USO1: variants seen among roughly 807,000 people sequenced by gnomAD.
USO1 encodes the protein USO1 vesicle transport factor.
Under a neutral mutation model 124.5 loss-of-function variants are expected in USO1, and 57 were observed. The ratio of observed to expected loss-of-function variants is 0.46; its 90% CI spans 0.37 to 0.57. USO1 has a LOEUF of 0.57. Ranked by LOEUF, USO1 falls within the 20% of genes least tolerant of loss-of-function variation. USO1 has a pLI of 0.00. For missense variants in USO1, 900 were observed against 1,040.6 expected (o/e 0.86, Z 1.86); for synonymous variants, 369 against 362.8 (o/e 1.02, Z -0.19).
chr4:75,753,979 G>T (rs1328000536), intron 3 of USO1, among the ~76,000 whole-genome samples: 2 of 151,082 alleles, frequency 1.3e-5, no homozygotes, highest in African/African-American at 4.9e-5. Context: ...AGTAGAGACG[G>T]GGTTTTACCA....
At chr4:75,813,176 C>A in intron 23 of USO1, 30 bp from the exon 24 acceptor site, 1 of 1,579,814 alleles carries the variant, frequency 6.3e-7, no homozygotes, top group South Asian at 1.2e-5. Flanking sequence ...AACAGATTTT[C>A]ACAATATTAA....
intron 13 of USO1, 29 bp from the exon 14 acceptor site, chr4:75,799,593 A>C: frequency 1.2e-6 from 2 of 1,607,554 alleles, no homozygotes; most frequent in Non-Finnish European, 1.7e-6. Context: ...AAATGAATGG[A>C]AAGATTTCTA....
intron 1 of USO1, among the ~76,000 whole-genome samples, chr4:75,739,383 GC>G (rs1376725959): frequency 6.6e-6 from 1 of 152,040 alleles, no homozygotes; most frequent in Non-Finnish European, 1.5e-5. Context: ...AGATGGTACA[GC>G]AGTGAAAAAT....
chr4:75,777,610 C>G (rs1057061737), intron 8 of USO1, among the ~76,000 whole-genome samples: 4 of 152,084 alleles, frequency 2.6e-5, no homozygotes, highest in African/African-American at 7.2e-5. Flanking sequence ...TTATATATCA[C>G]TAGGGAACTG....
At chr4:75,790,506 C>G in intron 11 of USO1, 137 bp from the exon 12 acceptor site, 1 of 1,350,366 alleles carries the variant, frequency 7.4e-7, no homozygotes, top group East Asian at 2.5e-5. Context: ...TTACAGTTTT[C>G]TGTGAAATAG....
At chr4:75,809,938 C>T (rs1370739742) in intron 21 of USO1, among the ~76,000 whole-genome samples, 2 of 152,174 alleles carry the variant, frequency 1.3e-5, no homozygotes, top group African/African-American at 4.8e-5. Flanking sequence ...CACTACCCGA[C>T]TTCCTAGTAT....
Position 75,799,745 on chromosome 4 carries a change from T to A in USO1, c.1563+13T>A. ...CAATGTTCCATTTGTATCCTTTATG[T>A]TTTAGTAACGTACATGTAAGTATTT... On this transcript the variant is annotated intron_variant, in intron 14 of 23. Coordinates refer to ENST00000514213, the MANE Select transcript of USO1 (RefSeq NM_003715.4). 1 of 1,612,796 alleles carries A rather than the reference T, an allele frequency of 6.2e-7. No homozygotes were observed. The highest frequency in any genetic ancestry group is 8.5e-7 in the Non-Finnish European group (1 of 1,179,450).
chr4:75,796,258 T>G (rs990942752), intron 13 of USO1, among the ~76,000 whole-genome samples: 4 of 152,124 alleles, frequency 2.6e-5, no homozygotes, highest in African/African-American at 9.7e-5. Flanking sequence ...GTGATGATTT[T>G]TGGTGTTTGA....
intron 1 of USO1, among the ~76,000 whole-genome samples, chr4:75,748,856 G>A (rs1475176712): frequency 6.6e-6 from 1 of 152,032 alleles, no homozygotes; most frequent in Non-Finnish European, 1.5e-5. Flanking sequence ...TCTTGCTTTG[G>A]AAAACTATTT....
chr4:75,746,608 T>C (rs931439467), intron 1 of USO1, among the ~76,000 whole-genome samples: 1 of 152,234 alleles, frequency 6.6e-6, no homozygotes, highest in Non-Finnish European at 1.5e-5. Context: ...ATAAGTAATA[T>C]GTTTTCCTTT....
At chr4:75,794,967 C>T (rs1722637666) in intron 13 of USO1, among the ~76,000 whole-genome samples, 1 of 152,156 alleles carries the variant, frequency 6.6e-6, no homozygotes, top group Admixed American at 6.5e-5. Flanking sequence ...ATGTTGCTAT[C>T]TGTTAACAAC....
At chr4:75,803,951 G>A (rs1030852560) in intron 17 of USO1, among the ~76,000 whole-genome samples, 183 bp from the exon 18 acceptor site, 6 of 152,094 alleles carry the variant, frequency 3.9e-5, no homozygotes, top group Non-Finnish European at 8.8e-5. Context: ...TAGTTCTGCT[G>A]CATGTTAATT....
chr4:75,762,356 G>T (rs1415797948), intron 4 of USO1, among the ~76,000 whole-genome samples: 1 of 151,468 alleles, frequency 6.6e-6, no homozygotes, highest in Non-Finnish European at 1.5e-5. Flanking sequence ...TAGAGACAGG[G>T]TTTCACTATA....
At position 75,771,102 on chromosome 4, in the gene USO1, T is replaced by C. The variant is rs1453485843; in HGVS notation, c.520T>C (p.Leu174=). 1 of 1,611,912 alleles carries C rather than the reference T, an allele frequency of 6.2e-7. No homozygotes were observed. Among genetic ancestry groups the C allele is most frequent in the African/African-American group, 1.3e-5 (1 of 74,942 alleles). Residue 174 remains leucine, a synonymous_variant, in exon 7 of 24, where the codon TTA becomes CTA. Coordinates refer to ENST00000514213, the MANE Select transcript of USO1 (RefSeq NM_003715.4). ...SPMGVSRLMD[L]LADSREVIRN... is the part of the protein sequence containing the mutation. ...TCTAGGTGTTTCAAGATTGATGGAC[T>C]TACTAGCGGATTCCAGGGAAGTTAT... is the stretch of plus-strand genomic sequence containing the variant.
intron 13 of USO1, among the ~76,000 whole-genome samples, chr4:75,794,691 C>T (rs1722631327): frequency 6.6e-6 from 1 of 152,166 alleles, no homozygotes; most frequent in African/African-American, 2.4e-5. Flanking sequence ...TACCCACTCC[C>T]CATAATAATG....
intron 1 of USO1, among the ~76,000 whole-genome samples, chr4:75,728,336 G>C (rs1164912183): frequency 1.3e-5 from 2 of 152,090 alleles, no homozygotes; most frequent in Non-Finnish European, 2.9e-5. Context: ...CTGATATTAA[G>C]ATGTTCTTCA....
chr4:75,800,545 A>G, intron 15 of USO1, 73 bp from the exon 16 acceptor site: 2 of 1,520,786 alleles, frequency 1.3e-6, no homozygotes, highest in East Asian at 4.6e-5. Flanking sequence ...CCAAAGCATT[A>G]TGTAGACCAA....
rs1722507401 is a variant in USO1 at position 75,790,782 on chromosome 4, C to T, written c.1225C>T (p.Pro409Ser). The change falls in exon 12 of 24, where the codon CCT becomes TCT. Residue 409 changes from proline to serine, a missense_variant. Pro to Ser is a moderately conservative substitution (Grantham distance 74, BLOSUM62 -1). This residue lies in a region of USO1 where 538 missense variants were observed against 681.6 expected (regional missense o/e 0.79). Transcript: ENST00000514213. ...AGGAGAAATCGTGTCAACACTTTTACCTTCTACCATTGATGGTAAATAATT... is the reference window on the plus strand; with the variant it reads ...AGGAGAAATCGTGTCAACACTTTTATCTTCTACCATTGATGGTAAATAATT... The part of the protein sequence containing the change: ...GQGEIVSTLL[P>S]STIDATGNSV... 1 of 1,602,246 alleles carries T rather than the reference C, an allele frequency of 6.2e-7. No individual in the cohort carries two copies. Among genetic ancestry groups the T allele is most frequent in the Non-Finnish European group, 8.5e-7 (1 of 1,175,580 alleles).
In USO1 at chr4:75,724,723, A is replaced by T; in HGVS notation, c.-97A>T. On this transcript the variant is annotated 5_prime_UTR_variant, in exon 1 of 24. Coordinates refer to ENST00000514213, the MANE Select transcript of USO1 (RefSeq NM_003715.4). ...GGTGGTGGCAGCAGTAGGAGTGTGT[A>T]GAGTGCGGGATTGGGGCCCAGGCCC... 1 of 1,268,142 alleles carries T rather than the reference A, an allele frequency of 7.9e-7. No homozygotes were observed. Among genetic ancestry groups the T allele is most frequent in the Non-Finnish European group, 1.1e-6 (1 of 893,866 alleles). 78.6% of individuals were successfully genotyped at this position (1,268,142 alleles called of 1,614,324 possible). A position where few individuals can be genotyped will look rare whatever the true frequency, so the allele number is the denominator to read the frequency against.
Sources: gnomAD v4.1 joint callset for allele counts (sites outside exome capture counted in the v4.1 genomes callset) on GRCh38, gnomAD v4.1.1 for gene constraint, gnomAD v4.1.1 regional missense constraint, MANE v1.5 for transcripts, NCBI Gene and HGNC (gene_info 2026-07-23, HGNC 2026-07-21) for gene names.